ESCO2: variants seen among roughly 807,000 people sequenced by gnomAD.
ESCO2 encodes establishment of sister chromatid cohesion N-acetyltransferase 2, also known as N-acetyltransferase ESCO2.
Under a neutral mutation model 61.7 loss-of-function variants are expected in ESCO2, and 51 were observed. The observed-to-expected ratio is 0.83, with a 90% CI of 0.66 to 1.04. The LOEUF (loss-of-function observed/expected upper bound fraction) is 1.04. Among genes scored for constraint, ESCO2 ranks in the 50% least tolerant of loss-of-function variants. ESCO2 has a pLI of 0.00. For missense variants in ESCO2, 692 were observed against 686.2 expected (o/e 1.01, Z -0.09); for synonymous variants, 230 against 238.2 (o/e 0.97, Z 0.32).
At position 27,804,564 on chromosome 8, in the gene ESCO2, A is replaced by G. The variant is rs955164234; in HGVS notation, c.*1126A>G. On this transcript the variant is annotated 3_prime_UTR_variant, in exon 11 of 11. Transcript: ENST00000305188. ...TCTAGTGTAATTCTTGGATACTTTA[A>G]AAAGCAAAACATTGTTCAAATTGTT... 13 of 985,462 alleles carry G rather than the reference A, an allele frequency of 1.3e-5. No homozygotes were observed. The highest frequency in any genetic ancestry group is 1.6e-5 in the Non-Finnish European group (13 of 829,936). The allele number at this position is 985,462 out of a possible 1,614,324, so 61.0% of individuals were successfully genotyped here.
At chr8:27,799,427 A>T in intron 9 of ESCO2, 114 bp from the exon 10 acceptor site, 1 of 1,066,210 alleles carries the variant, frequency 9.4e-7, no homozygotes, top group Non-Finnish European at 1.4e-6. Flanking sequence ...AATATTTTTT[A>T]ACATACTTGG....
intron 7 of ESCO2, among the ~76,000 whole-genome samples, chr8:27,790,817 C>T (rs1050740601): frequency 1.3e-5 from 2 of 152,144 alleles, no homozygotes. Flanking sequence ...AGCAATGCCA[C>T]GTTTAATGCA....
intron 10 of ESCO2, among the ~76,000 whole-genome samples, chr8:27,801,701 G>A (rs72609982): frequency 0.15 from 23,452 of 151,948 alleles, 2,280 homozygotes; most frequent in East Asian, 0.37. Context: ...AAGAGTAGTA[G>A]GAAGCCTTTG....
downstream of ESCO2, chr8:27,811,302 C>T: frequency 4.8e-6 from 3 of 629,316 alleles, no homozygotes; most frequent in Non-Finnish European, 8.4e-6. Context: ...TTCTACCTTT[C>T]AGGTTGGTAA....
At chr8:27,819,471 A>T in the ESCO2 span, among the ~76,000 whole-genome samples, 5 of 152,244 alleles carry the variant, frequency 3.3e-5, no homozygotes, top group Non-Finnish European at 7.4e-5. Flanking sequence ...GCCAAAAATT[A>T]TTCGGAAGTG....
At chr8:27,794,843 C>T (rs1185871765) in intron 9 of ESCO2, among the ~76,000 whole-genome samples, 1 of 152,040 alleles carries the variant, frequency 6.6e-6, no homozygotes, top group Non-Finnish European at 1.5e-5. Flanking sequence ...GTGTCCTTGC[C>T]CCATTGTTTG....
At position 27,776,600 on chromosome 8, in the gene ESCO2, G is replaced by T. The variant is rs1277093532; in HGVS notation, c.292G>T (p.Glu98Ter). 7 of 1,613,994 alleles carry T rather than the reference G, an allele frequency of 4.3e-6. No individual in the cohort carries two copies. The highest frequency in any genetic ancestry group is 5.9e-6 in the Non-Finnish European group (7 of 1,179,976). The change falls in exon 3 of 11, where the codon GAG becomes TAG. Residue 98 changes from glutamate (E) to a stop codon, truncating the protein, a stop_gained. Transcript: ENST00000305188. LOFTEE classifies it high-confidence loss of function. ...AAATAAGTGGTACCTCAATCCACTG[G>T]AGAGAAAGCTGATAAAAGAGAGTAG... ...NQNKWYLNPLERKLIKESRST... is the reference protein window; with the variant it reads ...NQNKWYLNPL
chr8:27,776,294 T>G, intron 2 of ESCO2, 68 bp from the exon 3 acceptor site: 10 of 1,319,154 alleles, frequency 7.6e-6, no homozygotes, highest in Non-Finnish European at 1.1e-5. Context: ...TAGAGCTTAC[T>G]TAGCAGTAGA....
At chr8:27,774,794 C>G (rs2128950499) in intron 1 of ESCO2, 187 bp downstream of exon 1, 1 of 152,448 alleles carries the variant, frequency 6.6e-6, no homozygotes, top group East Asian at 1.9e-4. Flanking sequence ...TTTCCCTCTT[C>G]CCGACGCCGG....
intron 7 of ESCO2, among the ~76,000 whole-genome samples, chr8:27,789,938 G>A (rs1353169948): frequency 2.0e-5 from 3 of 152,208 alleles, no homozygotes; most frequent in African/African-American, 7.2e-5. Context: ...AAGAGAAAGT[G>A]TGTATGTGTG....
chr8:27,792,356 G>A (rs1805196299), intron 8 of ESCO2, among the ~76,000 whole-genome samples: 2 of 152,024 alleles, frequency 1.3e-5, no homozygotes, highest in Admixed American at 1.3e-4. Flanking sequence ...TGTTTCTGAG[G>A]TTGAATGTTT....
downstream of ESCO2, among the ~76,000 whole-genome samples, chr8:27,808,701 A>G (rs1231035036): frequency 6.6e-6 from 1 of 151,272 alleles, no homozygotes; most frequent in East Asian, 1.9e-4. Flanking sequence ...AAAAAAAAAA[A>G]AAGCCCTCAG....
chr8:27,813,928 T>C (rs73570360), downstream of ESCO2, among the ~76,000 whole-genome samples: 2,463 of 152,082 alleles, frequency 0.016, 60 homozygotes, highest in African/African-American at 0.054. Flanking sequence ...ATCAGTTTAT[T>C]TTTCTGTGTA....
upstream of ESCO2, chr8:27,772,078 G>A (rs1841313): frequency 0.86 from 159,733 of 185,236 alleles, 69,072 homozygotes; most frequent in East Asian, 1. Context: ...GGTAAGTCGC[G>A]CTTCCCTTAA....
chr8:27,780,099 A>T, intron 3 of ESCO2, 75 bp from the exon 4 acceptor site: 1 of 834,222 alleles, frequency 1.2e-6, no homozygotes, highest in Non-Finnish European at 2.0e-6. Flanking sequence ...TTAGAAATAG[A>T]TCTGCTGGGA....
At chr8:27,781,042 A>G (rs571596267) in intron 4 of ESCO2, among the ~76,000 whole-genome samples, 77 of 152,346 alleles carry the variant, frequency 5.1e-4, no homozygotes, top group African/African-American at 1.8e-3. Context: ...CTTTTAAAAT[A>G]TATTTTAGTA....
intron 5 of ESCO2, 120 bp downstream of exon 5, chr8:27,784,177 A>G (rs1804986657): frequency 1.2e-6 from 1 of 808,246 alleles, no homozygotes; most frequent in Non-Finnish European, 2.0e-6. Context: ...ACTAAGGGGA[A>G]TAGGAGAATA....
At chr8:27,802,314 T>C (rs1244827190) in intron 10 of ESCO2, among the ~76,000 whole-genome samples, 1 of 151,474 alleles carries the variant, frequency 6.6e-6, no homozygotes, top group Non-Finnish European at 1.5e-5. Flanking sequence ...AAAATATATA[T>C]AGGCTGGACG....
At chr8:27,788,058 C>A in intron 6 of ESCO2, 56 bp downstream of exon 6, 1 of 1,261,640 alleles carries the variant, frequency 7.9e-7, no homozygotes, top group Non-Finnish European at 1.2e-6. Context: ...AAAAGCTTGC[C>A]AACCCCTGTA....
Sources: allele counts gnomAD v4.1 joint callset (sites outside exome capture counted in the v4.1 genomes callset), GRCh38; gene constraint gnomAD v4.1.1; transcripts MANE v1.5; gene names NCBI Gene and HGNC (gene_info 2026-07-23, HGNC 2026-07-21).